Variants in DDX51 observed in about 807,000 individuals in gnomAD.
The protein encoded by DDX51 is ATP-dependent RNA helicase DDX51.
DDX51 carries 67 observed loss-of-function variants against 74.6 expected under a neutral mutation model. That is an observed-to-expected ratio of 0.90 (90% CI 0.74 to 1.10). The LOEUF is 1.10. DDX51 is among the 50% of genes least tolerant of loss of function. DDX51 has a pLI of 0.00. For synonymous variants in DDX51, 545 were observed against 402.9 expected (o/e 1.35, Z -4.22); for missense variants, 1,056 against 905.2 (o/e 1.17, Z -2.14).
chr12:132,143,913 C>A lies in DDX51; in HGVS notation c.305-4G>T, dbSNP rs769349943. The A allele has an allele frequency of 3.3e-6, 5 of 1,515,298 alleles. No homozygotes were observed. The East Asian group carries it at 8.0e-5, about 24-fold the overall frequency. 93.9% of individuals were successfully genotyped at this position (1,515,298 alleles called of 1,614,324 possible). On this transcript the variant is annotated splice_polypyrimidine_tract_variant and splice_region_variant and intron_variant, in intron 1 of 14. Coordinates refer to ENST00000397333, the MANE Select transcript of DDX51 (RefSeq NM_175066.4). ...CCTGGCGCCTCCTCGTTGCTTTCTG[C>A]GAGGCAGACACCCACCCGGCAGCGC...
chr12:132,138,734 C>T lies in DDX51; in HGVS notation c.*538G>A, dbSNP rs1897340790. Reference sequence around the variant, plus strand: ...TCCCGGGTTCAAGCCATTTTCCTGCCTCAGCCTCCCAAGTAGCTGGATTAC... The same window carrying T: ...TCCCGGGTTCAAGCCATTTTCCTGCTTCAGCCTCCCAAGTAGCTGGATTAC... On this transcript the variant is annotated 3_prime_UTR_variant, in exon 15 of 15. Coordinates refer to ENST00000397333, the MANE Select transcript of DDX51 (RefSeq NM_175066.4). The T allele has an allele frequency of 6.6e-6, 1 of 152,588 alleles. No individual in the cohort carries two copies. Among genetic ancestry groups the T allele is most frequent in the Non-Finnish European group, 1.5e-5 (1 of 68,412 alleles). The allele number at this position is 152,588 out of a possible 1,614,324, so 9.5% of individuals were successfully genotyped here.
rs761777119 is a variant in DDX51 at position 132,142,750 on chromosome 12, G to A, written c.648C>T (p.His216=). ...HPDLQKQLRA[H]GISSYFPVQA... ...CACCTGGAAAGTAGGACGAGATGCC[G>A]TGTGCCCGCAGCTGCTTCTGCAGGT... is the stretch of plus-strand genomic sequence containing the variant. Residue 216 remains histidine, a synonymous_variant, in exon 3 of 15, where the codon CAC becomes CAT. Transcript: ENST00000397333. 3.7e-6 allele frequency: 6 copies of A among 1,612,956 alleles called. No homozygotes were observed. The highest frequency in any genetic ancestry group is 1.7e-5 in the Admixed American group (1 of 60,030).
intron 2 of DDX51, chr12:132,143,111 C>G: frequency 1.8e-6 from 1 of 552,738 alleles, no homozygotes; most frequent in Non-Finnish European, 3.2e-6. Context: ...GTGGCACCCA[C>G]CCTCCCGCAG....
At chr12:132,143,568 G>T in intron 2 of DDX51, 127 bp downstream of exon 2, 1 of 1,267,240 alleles carries the variant, frequency 7.9e-7, no homozygotes, top group Admixed American at 2.2e-5. Flanking sequence ...CTGCAGACCT[G>T]GCAGCGAGGC....
rs781066417 is a variant in DDX51 at position 132,142,888 on chromosome 12, AAAAG to A, written c.520-14_520-11del. On this transcript the variant is annotated splice_polypyrimidine_tract_variant and intron_variant, in intron 2 of 14. Coordinates refer to ENST00000397333, the MANE Select transcript of DDX51 (RefSeq NM_175066.4). ...GCAGGAAAGGCTGGACCTGCCATCA[AAAAG>A]AAAGAGAGGCCAGGTGAGCGCTTTC... 1.4e-5 allele frequency: 22 copies of A among 1,612,458 alleles called. No homozygotes were observed. The highest frequency in any genetic ancestry group is 1.3e-4 in the South Asian group (12 of 91,074).
intron 2 of DDX51, 63 bp downstream of exon 2, chr12:132,143,632 C>T (rs1897570122): frequency 2.0e-6 from 3 of 1,521,570 alleles, no homozygotes; most frequent in Non-Finnish European, 2.6e-6. Flanking sequence ...GCGACCGCCG[C>T]ACTTAAGAAT....
chr12:132,141,341 C>T lies in DDX51; in HGVS notation c.1184G>A (p.Ser395Asn), dbSNP rs1477566277. 4 of 1,598,632 alleles carry T rather than the reference C, an allele frequency of 2.5e-6. No individual in the cohort carries two copies. Among genetic ancestry groups the T allele is most frequent in the African/African-American group, 1.3e-5 (1 of 74,914 alleles). The change falls in exon 8 of 15, where the codon AGC becomes AAC. Residue 395 changes from serine to asparagine, a missense_variant. Transcript: ENST00000397333. ...GGCACAGGGGTCCGCGGGGTCCTCG[C>T]TCTGGAAGGCGGCCGCCACCACCCG... Reference protein sequence around the residue: ...LPRVVAAAFQSEDPADPCALL... With the variant: ...LPRVVAAAFQNEDPADPCALL...
At chr12:132,143,257 C>T (rs1897547884) in intron 2 of DDX51, 2 of 402,840 alleles carry the variant, frequency 5.0e-6, no homozygotes, top group South Asian at 2.3e-5. Context: ...AAGAGAACCT[C>T]CTCCACCTGC....
At chr12:132,141,820 C>T in intron 6 of DDX51, 30 bp downstream of exon 6, 1 of 1,610,848 alleles carries the variant, frequency 6.2e-7, no homozygotes, top group African/African-American at 1.3e-5. Context: ...CAGGGACCCC[C>T]TGAAAAACCC....
chr12:132,139,794 G>C, intron 13 of DDX51, 25 bp from the exon 14 acceptor site: 1 of 1,612,928 alleles, frequency 6.2e-7, no homozygotes, highest in East Asian at 2.2e-5. Flanking sequence ...ATGGTGGAAG[G>C]GGGTTCTTGG....
At position 132,137,986 on chromosome 12, in the gene DDX51, A is replaced by C. The variant is rs1897314670; in HGVS notation, c.*1286T>G. 6.6e-6 allele frequency: 1 copy of C among 152,214 alleles called. No individual in the cohort carries two copies. Among genetic ancestry groups the C allele is most frequent in the East Asian group, 1.9e-4 (1 of 5,196 alleles). 9.4% of individuals were successfully genotyped at this position (152,214 alleles called of 1,614,324 possible). ...TCAGTTAGCGTCAGGTTCCGGGTTC[A>C]TCCACGGGGTGCCTATGCTGGTGCC... On this transcript the variant is annotated 3_prime_UTR_variant, in exon 15 of 15. Transcript: ENST00000397333.
At position 132,139,253 on chromosome 12, in the gene DDX51, C is replaced by A. The variant is rs780663159; in HGVS notation, c.*19G>T. ...CAGGGTGGTGAGCGTTCAGTCCCTC[C>A]GGCCCTCTGAGCCCCAGCCTAGGCC... On this transcript the variant is annotated 3_prime_UTR_variant, in exon 15 of 15. Coordinates refer to ENST00000397333, the MANE Select transcript of DDX51 (RefSeq NM_175066.4). 1.2e-6 allele frequency: 2 copies of A among 1,606,822 alleles called. No homozygotes were observed. The highest frequency in any genetic ancestry group is 3.4e-5 in the Admixed American group (2 of 59,644).
At position 132,141,482 on chromosome 12, in the gene DDX51, T is replaced by G. The variant is rs1054412774; in HGVS notation, c.1104+16A>C. On this transcript the variant is annotated intron_variant, in intron 7 of 14. Coordinates refer to ENST00000397333, the MANE Select transcript of DDX51 (RefSeq NM_175066.4). ...GCCCTGAGCTCAAAGCCCAGGCCCC[T>G]GGGGCGGGGACCTACCAGGAAGCGG... The G allele has an allele frequency of 1.3e-6, 2 of 1,583,362 alleles. No homozygotes were observed. The highest frequency in any genetic ancestry group is 1.7e-6 in the Non-Finnish European group (2 of 1,167,786).
At position 132,139,736 on chromosome 12, in the gene DDX51, C is replaced by T. The variant is rs772543103; in HGVS notation, c.1873G>A (p.Gly625Arg). The T allele has an allele frequency of 3.1e-6, 5 of 1,613,138 alleles. No individual in the cohort carries two copies. Among genetic ancestry groups the T allele is most frequent in the Non-Finnish European group, 3.4e-6 (4 of 1,180,010 alleles). Residue 625 changes from glycine to arginine, a missense_variant, in exon 14 of 15, where the codon GGG becomes AGG. Gly to Arg is a moderately radical substitution (Grantham distance 125). Transcript: ENST00000397333. Reference protein sequence around the residue: ...RRFLRMLTEAGAPELQRHELS... With the variant: ...RRFLRMLTEARAPELQRHELS... ...TCGTGCCGCTGCAACTCAGGTGCCC[C>T]AGCTTCAGTTAGCATTCGGAGGAAT...
intron 6 of DDX51, 120 bp from the exon 7 acceptor site, chr12:132,141,726 T>C: frequency 6.9e-7 from 1 of 1,447,696 alleles, no homozygotes. Context: ...CGGTGGGAGC[T>C]CCTCCTCTTC....
rs767583936 is a variant in DDX51, at chr12:132,140,869, C to G, written c.1402G>C (p.Gly468Arg). The part of the protein sequence containing the change: ...HRGLEDTDGD[G>R]DSGKYAFPVG... ...GGAAAGGCATACTTCCCCGAATCCC[C>G]GTCCCCATCTGTATCTTCCAGGCCC... is the stretch of plus-strand genomic sequence containing the variant. Residue 468 changes from glycine (G) to arginine (R), a missense_variant, in exon 9 of 15, where the codon GGG becomes CGG. Gly to Arg is a moderately radical substitution (Grantham distance 125, BLOSUM62 -2). Transcript: ENST00000397333. The G allele has an allele frequency of 6.2e-7, 1 of 1,613,526 alleles. No individual in the cohort carries two copies. The highest frequency in any genetic ancestry group is 1.7e-5 in the Admixed American group (1 of 59,994).
In DDX51 at chr12:132,139,778, A is replaced by T; in HGVS notation, c.1840-9T>A. 6.2e-7 allele frequency: 1 copy of T among 1,613,068 alleles called. No homozygotes were observed. The highest frequency in any genetic ancestry group is 8.5e-7 in the Non-Finnish European group (1 of 1,179,910). ...CGGAGGAATCTCCTCTCCTGGAGAG[A>T]AGCTCATGGTGGAAGGGGGTTCTTG... On this transcript the variant is annotated splice_polypyrimidine_tract_variant and intron_variant, in intron 13 of 14. Coordinates refer to ENST00000397333, the MANE Select transcript of DDX51 (RefSeq NM_175066.4).
rs764968350 is a variant in DDX51 at position 132,141,969 on chromosome 12, T to TC, written c.889-14dup. ...AAACTTTGCTCACCTGCAGGAGAAG[T>TC]CTGTCACTGGCCTGGAGGTAGCTGG... is the stretch of plus-strand genomic sequence containing the variant. On this transcript the variant is annotated splice_polypyrimidine_tract_variant and intron_variant, in intron 5 of 14. Transcript: ENST00000397333. The TC allele has an allele frequency of 1.2e-6, 2 of 1,612,230 alleles. No individual in the cohort carries two copies. The highest frequency in any genetic ancestry group is 1.7e-6 in the Non-Finnish European group (2 of 1,179,356).
chr12:132,139,796 G>T (rs1358369636), intron 13 of DDX51, 27 bp from the exon 14 acceptor site: 1 of 1,612,884 alleles, frequency 6.2e-7, no homozygotes, highest in Non-Finnish European at 8.5e-7. Context: ...GGTGGAAGGG[G>T]GTTCTTGGGC....
Sources: gnomAD v4.1 joint callset for allele counts on GRCh38, gnomAD v4.1.1 for gene constraint, MANE v1.5 for transcripts, NCBI Gene and HGNC (gene_info 2026-07-23, HGNC 2026-07-21) for gene names.